The following PAX8 variants were observed in gnomAD, a reference collection of about 807,000 sequenced individuals.
The protein encoded by PAX8 is paired box 8.
PAX8 carries 15 observed loss-of-function variants against 52.4 expected under a neutral mutation model. The observed-to-expected ratio is 0.29, with a 90% CI of 0.19 to 0.44. PAX8 has a LOEUF of 0.44. Among genes scored for constraint, PAX8 ranks in the 20% least tolerant of loss-of-function variants. PAX8 has a pLI of 1.00. For synonymous variants in PAX8, 284 were observed against 249.7 expected (o/e 1.14, Z -1.29); for missense variants, 554 against 602.5 (o/e 0.92, Z 0.84).
chr2:113,250,004 AC>A (rs1691639646), intron 2 of PAX8, among the ~76,000 whole-genome samples: 1 of 151,978 alleles, frequency 6.6e-6, no homozygotes, highest in Non-Finnish European at 1.5e-5. Context: ...GTGGTGGCTC[AC>A]GCCTGTAATC....
intron 2 of PAX8, chr2:113,272,886 A>G (rs1247314848): frequency 6.6e-6 from 1 of 152,230 alleles, no homozygotes; most frequent in Non-Finnish European, 1.5e-5. Flanking sequence ...ATCTCTGAAG[A>G]GAATGAGGAC....
chr2:113,223,841 C>T (rs1489695823), intron 10 of PAX8, among the ~76,000 whole-genome samples: 1 of 152,180 alleles, frequency 6.6e-6, no homozygotes, highest in Non-Finnish European at 1.5e-5. Flanking sequence ...GCTGTATCCC[C>T]AGCATCCTAT....
chr2:113,255,513 G>A (rs1020340926), intron 2 of PAX8: 4 of 152,450 alleles, frequency 2.6e-5, no homozygotes. Flanking sequence ...CTTCCTGTTG[G>A]CTCACATATC....
intron 4 of PAX8, 60 bp downstream of exon 4, chr2:113,244,367 C>G: frequency 7.6e-7 from 1 of 1,320,358 alleles, no homozygotes; most frequent in South Asian, 1.2e-5. Flanking sequence ...TTGTCTCTTT[C>G]CTGATTTCCC....
intron 9 of PAX8, among the ~76,000 whole-genome samples, chr2:113,227,562 T>C (rs186323048): frequency 2.0e-5 from 3 of 152,334 alleles, no homozygotes; most frequent in Admixed American, 1.3e-4. Context: ...AATGTCCTGG[T>C]ATTGGAGGCT....
intron 2 of PAX8, chr2:113,267,495 G>A (rs1185012945): frequency 2.0e-5 from 3 of 152,236 alleles, no homozygotes; most frequent in African/African-American, 7.2e-5. Flanking sequence ...CTCATGGTTG[G>A]ACACTGGTAT....
intron 9 of PAX8, 40 bp downstream of exon 9, chr2:113,235,354 G>A (rs751519435): frequency 7.9e-6 from 12 of 1,521,370 alleles, no homozygotes; most frequent in Non-Finnish European, 9.8e-6. Flanking sequence ...CGTCCCACCC[G>A]CCGCCATAGC....
rs1452975746 is a variant in PAX8, at chr2:113,227,174, G to C, written c.1170C>G (p.Ala390=). The C allele has an allele frequency of 6.2e-7, 1 of 1,603,672 alleles. No homozygotes were observed. Among genetic ancestry groups the C allele is most frequent in the Non-Finnish European group, 8.5e-7 (1 of 1,175,946 alleles). Residue 390 remains alanine, a synonymous_variant, in exon 10 of 12, where the codon GCC becomes GCG. Transcript: ENST00000429538. Reference sequence around the variant, plus strand: ...CCTTACCTGCCACCATGCCTGCGATGGCAGAGGAGGCATAGCTGCCCTGTC... The same window carrying C: ...CCTTACCTGCCACCATGCCTGCGATCGCAGAGGAGGCATAGCTGCCCTGTC... The part of the protein sequence containing the change: ...TSGQGSYASS[A]IAGMVAGSEY...
chr2:113,242,646 G>T (rs748784011), intron 5 of PAX8, 44 bp downstream of exon 5: 2 of 1,279,160 alleles, frequency 1.6e-6, no homozygotes, highest in East Asian at 2.3e-5. Flanking sequence ...TGAAGGGGAG[G>T]TGTACACGAG....
In PAX8 at chr2:113,236,695, G is replaced by A; in HGVS notation, c.804C>T (p.Asn268=). ...EQGLYPLPLL[N]STLDDGKATL... ...TGGCCTTCCCGTCGTCCAGGGTGCT[G>A]TTGAGCAAGGGCAGCGGGTAGAGGC... The change falls in exon 8 of 12, where the codon AAC becomes AAT. Residue 268 remains asparagine (N), a synonymous_variant. Transcript: ENST00000429538. 1 of 1,581,412 alleles carries A rather than the reference G, an allele frequency of 6.3e-7. No individual in the cohort carries two copies. Among genetic ancestry groups the A allele is most frequent in the Non-Finnish European group, 8.6e-7 (1 of 1,164,152 alleles).
chr2:113,231,929 T>C (rs1689921369), intron 9 of PAX8, among the ~76,000 whole-genome samples: 1 of 152,140 alleles, frequency 6.6e-6, no homozygotes, highest in Non-Finnish European at 1.5e-5. Context: ...GGTTTCTCCA[T>C]GTTGGTCAGG....
rs111501168 is a variant in PAX8, at chr2:113,236,406, T to C, written c.898+195A>G. On this transcript the variant is annotated intron_variant, in intron 8 of 11. Transcript: ENST00000429538. ...CCCACCTTGAGGCCCGGCCTAGGAC[T>C]GGAGGCGCGACCCCTCGGCCCACCT... The C allele has an allele frequency of 0.15, 61,701 of 413,942 alleles. 5,376 individuals carry two copies. Among genetic ancestry groups the C allele is most frequent in the African/African-American group, 0.26 (8,318 of 31,590 alleles). The allele number at this position is 413,942 out of a possible 1,614,324, so 25.6% of individuals were successfully genotyped here. A position where few individuals can be genotyped will look rare whatever the true frequency, so the allele number is the denominator to read the frequency against.
At chr2:113,231,959 C>A (rs932993711) in intron 9 of PAX8, among the ~76,000 whole-genome samples, 2 of 152,184 alleles carry the variant, frequency 1.3e-5, no homozygotes, top group Non-Finnish European at 2.9e-5. Context: ...AACTCCCGAC[C>A]TCAGGTGATC....
intron 2 of PAX8, chr2:113,271,301 A>G (rs756440590): frequency 6.6e-6 from 1 of 152,212 alleles, no homozygotes; most frequent in Non-Finnish European, 1.5e-5. Flanking sequence ...TGCTTGGGAG[A>G]TGCCAAGTTA....
rs79383992 is a variant in PAX8 at position 113,220,306 on chromosome 2, G to A, written c.1190-128C>T. 3.5e-3 allele frequency: 2,452 copies of A among 705,430 alleles called. 46 individuals carry two copies. In the African/African-American group the frequency reaches 0.038, roughly 11 times the overall value. 43.7% of individuals were successfully genotyped at this position (705,430 alleles called of 1,614,324 possible). On this transcript the variant is annotated intron_variant, in intron 10 of 11. Coordinates refer to ENST00000429538, the MANE Select transcript of PAX8 (RefSeq NM_003466.4). ...TGGTTGGGGAGACAGTTGGAGCCACGGCAGGGACAATGGAGCTCAGAAGGT... is the reference window on the plus strand; with the variant it reads ...TGGTTGGGGAGACAGTTGGAGCCACAGCAGGGACAATGGAGCTCAGAAGGT...
intron 2 of PAX8, chr2:113,269,694 T>C (rs1293867895): frequency 2.6e-5 from 4 of 151,840 alleles, no homozygotes; most frequent in Non-Finnish European, 1.5e-5. Flanking sequence ...CAGAGGCAGG[T>C]GGGGAGGGAG....
chr2:113,257,458 A>G (rs550755301), intron 2 of PAX8, among the ~76,000 whole-genome samples: 1 of 152,152 alleles, frequency 6.6e-6, no homozygotes, highest in African/African-American at 2.4e-5. Flanking sequence ...AGGCAGATAT[A>G]AGAGGGTCTT....
At position 113,242,044 on chromosome 2, in the gene PAX8, C is replaced by A; in HGVS notation, c.565G>T (p.Ala189Ser). Reference protein sequence around the residue: ...TYSINGLLGIAQPGSDKRKMD... With the variant: ...TYSINGLLGISQPGSDKRKMD... The stretch of plus-strand genomic sequence containing the variant: ...TTCCTCTTGTCGCTGCCAGGCTGAG[C>A]GATGCCCAGGAGCCCATTGATGGAG... Residue 189 changes from alanine (A) to serine (S), a missense_variant, in exon 6 of 12, where the codon GCT (alanine) becomes TCT (serine). By Grantham distance (99) the Ala-to-Ser change is moderately conservative. Transcript: ENST00000429538. 1.2e-6 allele frequency: 2 copies of A among 1,613,646 alleles called. No homozygotes were observed. Among genetic ancestry groups the A allele is most frequent in the Non-Finnish European group, 1.7e-6 (2 of 1,179,774 alleles).
At chr2:113,244,131 C>G (rs1691106627) in intron 4 of PAX8, among the ~76,000 whole-genome samples, 1 of 152,178 alleles carries the variant, frequency 6.6e-6, no homozygotes, top group African/African-American at 2.4e-5. Context: ...AGAAAAGGAT[C>G]AATTCATGAA....
Sources: allele counts gnomAD v4.1 joint callset (sites outside exome capture counted in the v4.1 genomes callset), GRCh38; gene constraint gnomAD v4.1.1; transcripts MANE v1.5; gene names NCBI Gene and HGNC (gene_info 2026-07-23, HGNC 2026-07-21).